The following C1QTNF3 variants were observed in gnomAD, a reference collection of about 807,000 sequenced individuals.
C1QTNF3 encodes C1q and TNF related 3.
Under a neutral mutation model 32.6 loss-of-function variants are expected in C1QTNF3, and 26 were observed. The observed-to-expected ratio is 0.80, with a 90% CI of 0.58 to 1.11. C1QTNF3 has a LOEUF of 1.11. Among genes scored for constraint, C1QTNF3 ranks in the 50% least tolerant of loss-of-function variants. The pLI is 0.00. For synonymous variants in C1QTNF3, 155 were observed against 146.0 expected (o/e 1.06, Z -0.44); for missense variants, 362 against 398.2 (o/e 0.91, Z 0.77).
chr5:34,038,149 A>G (rs1754786400), intron 1 of C1QTNF3, among the ~76,000 whole-genome samples: 1 of 152,174 alleles, frequency 6.6e-6, no homozygotes, highest in Non-Finnish European at 1.5e-5. Flanking sequence ...GTTTTTGGCT[A>G]TTAAATCAGA....
chr5:34,023,857 T>C (rs1262116592), intron 5 of C1QTNF3, 52 bp downstream of exon 5: 1 of 1,469,872 alleles, frequency 6.8e-7, no homozygotes, highest in Non-Finnish European at 9.5e-7. Flanking sequence ...AGGCATTCCT[T>C]GAACAAACAA....
At chr5:34,236,607 G>C in the C1QTNF3 span, among the ~76,000 whole-genome samples, 1 of 62,202 alleles carries the variant, frequency 1.6e-5, no homozygotes, top group African/African-American at 6.5e-5. Flanking sequence ...GAGTTTCACT[G>C]TTGCTGCCCA....
chr5:34,146,068 C>G, the C1QTNF3 span, among the ~76,000 whole-genome samples: 1 of 152,274 alleles, frequency 6.6e-6, no homozygotes, highest in Non-Finnish European at 1.5e-5. Flanking sequence ...TAGGCCAAAG[C>G]TGGAAACATT....
At chr5:34,092,273 A>G in the C1QTNF3 span, among the ~76,000 whole-genome samples, 3 of 151,808 alleles carry the variant, frequency 2.0e-5, no homozygotes, top group Non-Finnish European at 4.4e-5. Flanking sequence ...GCATTGGGGA[A>G]AAGAAAAATT....
chr5:34,031,830 C>A (rs1166582469), intron 3 of C1QTNF3, among the ~76,000 whole-genome samples: 1 of 152,080 alleles, frequency 6.6e-6, no homozygotes, highest in East Asian at 1.9e-4. Context: ...CAAAACAAAA[C>A]AAAACGGCTT....
the C1QTNF3 span, among the ~76,000 whole-genome samples, chr5:34,116,724 AGCTGGGATTACAAGC>A: frequency 6.6e-6 from 1 of 151,180 alleles, no homozygotes; most frequent in Non-Finnish European, 1.5e-5. Flanking sequence ...CCTCCTGAGT[AGCTGGGATTACAAGC>A]GCCTGACACC....
chr5:34,057,160 C>T, the C1QTNF3 span, among the ~76,000 whole-genome samples: 76 of 152,218 alleles, frequency 5.0e-4, no homozygotes, highest in South Asian at 2.1e-3. Flanking sequence ...GATTGACATG[C>T]GACAAACAGC....
At chr5:34,083,251 A>AT in the C1QTNF3 span, among the ~76,000 whole-genome samples, 1 of 151,576 alleles carries the variant, frequency 6.6e-6, no homozygotes, top group Non-Finnish European at 1.5e-5. Flanking sequence ...ACATGCCACA[A>AT]TTCAGTTTAG....
intron 1 of C1QTNF3, among the ~76,000 whole-genome samples, 178 bp downstream of exon 1, chr5:34,042,645 C>T (rs578086209): frequency 2.6e-5 from 4 of 152,210 alleles, no homozygotes; most frequent in African/African-American, 9.6e-5. Flanking sequence ...TAACAGAGAC[C>T]GACAGTCTCT....
At chr5:34,029,004 TG>T in intron 3 of C1QTNF3, 121 bp from the exon 4 acceptor site, 1 of 734,558 alleles carries the variant, frequency 1.4e-6, no homozygotes, top group Non-Finnish European at 2.1e-6. Context: ...CATCAATCTA[TG>T]GAGAGAGAAA....
At chr5:34,222,434 T>C in the C1QTNF3 span, among the ~76,000 whole-genome samples, 2 of 151,550 alleles carry the variant, frequency 1.3e-5, no homozygotes, top group African/African-American at 4.8e-5. Context: ...AAGGCATAAA[T>C]ATTCAATTCA....
In C1QTNF3 at chr5:34,042,939, G is replaced by T. The variant is rs141837290; in HGVS notation, c.187C>A (p.Pro63Thr). The T allele has an allele frequency of 6.2e-7, 1 of 1,614,050 alleles. No individual in the cohort carries two copies. The highest frequency in any genetic ancestry group is 8.5e-7 in the Non-Finnish European group (1 of 1,180,030). The change falls in exon 1 of 6, where the codon CCT becomes ACT. Residue 63 changes from proline to threonine, a missense_variant. Transcript: ENST00000382065. ...TTATTATCCACAGTCCCAGTTTTAG[G>T]ATGGCTCCGCTCTCTCACTTTCTCC... ...RREKVRERSH[P>T]KTGTVDNNTS...
chr5:34,202,163 T>C, the C1QTNF3 span, among the ~76,000 whole-genome samples: 1 of 149,602 alleles, frequency 6.7e-6, no homozygotes, highest in African/African-American at 2.6e-5. Flanking sequence ...GCTGCATTGC[T>C]TGTTTTGTTT....
At chr5:34,237,142 A>G in the C1QTNF3 span, among the ~76,000 whole-genome samples, 1 of 152,186 alleles carries the variant, frequency 6.6e-6, no homozygotes, top group Admixed American at 6.5e-5. Flanking sequence ...TTCAAGGAAG[A>G]GGTTACATAA....
At chr5:34,045,089 G>A (rs1227704839), upstream of C1QTNF3, among the ~76,000 whole-genome samples, 1 of 152,194 alleles carries the variant, frequency 6.6e-6, no homozygotes, top group Non-Finnish European at 1.5e-5. Flanking sequence ...GTCACAGGGA[G>A]ACCACAAAGC....
the C1QTNF3 span, among the ~76,000 whole-genome samples, chr5:34,156,112 C>T: frequency 1.3e-5 from 2 of 152,148 alleles, no homozygotes; most frequent in Non-Finnish European, 2.9e-5. Flanking sequence ...GCTGTGCCAC[C>T]CAGGCTGGAG....
chr5:34,226,154 A>G, the C1QTNF3 span, among the ~76,000 whole-genome samples: 4 of 152,102 alleles, frequency 2.6e-5, no homozygotes, highest in Admixed American at 6.6e-5. Flanking sequence ...AATATCTTCT[A>G]TGTATAAACT....
chr5:34,131,442 AC>A, the C1QTNF3 span, among the ~76,000 whole-genome samples: 1 of 151,776 alleles, frequency 6.6e-6, no homozygotes, highest in African/African-American at 2.4e-5. Flanking sequence ...ACACAGGCGC[AC>A]ACACACATAT....
Position 34,020,611 on chromosome 5 carries a change from G to A in C1QTNF3, c.932C>T (p.Ala311Val). Residue 311 changes from alanine (A) to valine (V), a missense_variant, in exon 6 of 6, where the codon GCA becomes GTA. Physicochemically the swap from Ala to Val is moderately conservative, Grantham distance 64 (BLOSUM62 0). Transcript: ENST00000382065. ...HGDHQRFSTF[A>V]GFLLFETK ...CTTAGTTTCAAAGAGCAGGAATCCT[G>A]CAAAGGTGGAGAAGCGTTGGTGGTC... 6.2e-7 allele frequency: 1 copy of A among 1,614,226 alleles called. No homozygotes were observed. Among genetic ancestry groups the A allele is most frequent in the East Asian group, 2.2e-5 (1 of 44,892 alleles).
Sources: gnomAD v4.1 joint callset for allele counts (sites outside exome capture counted in the v4.1 genomes callset) on GRCh38, gnomAD v4.1.1 for gene constraint, MANE v1.5 for transcripts, NCBI Gene and HGNC (gene_info 2026-07-23, HGNC 2026-07-21) for gene names.